Variants in NDRG1 observed in about 807,000 individuals in gnomAD.
NDRG1 encodes the protein protein NDRG1.
NDRG1 carries 32 observed loss-of-function variants against 56.9 expected under a neutral mutation model. That is an observed-to-expected ratio of 0.56 (90% CI 0.42 to 0.76). NDRG1 has a LOEUF of 0.76. Among genes scored for constraint, NDRG1 ranks in the 30% least tolerant of loss-of-function variants. The probability of loss-of-function intolerance (pLI) is 0.00; values close to 1 mark genes in which losing one functional copy is unlikely to be tolerated. For missense variants in NDRG1, 507 were observed against 545.7 expected, an observed-to-expected ratio of 0.93 and a Z score of 0.71; for synonymous variants, 211 against 204.1, an observed-to-expected ratio of 1.03 and a Z score of -0.29.
chr8:133,285,844 C>A (rs1042351302), intron 1 of NDRG1, among the ~76,000 whole-genome samples: 1 of 152,232 alleles, frequency 6.6e-6, no homozygotes, highest in Non-Finnish European at 1.5e-5. Flanking sequence ...AGGCAGGAGG[C>A]ATGAAAGGCC....
chr8:133,260,502 T>C (rs1261552495), intron 5 of NDRG1, among the ~76,000 whole-genome samples: 1 of 152,134 alleles, frequency 6.6e-6, no homozygotes, highest in Non-Finnish European at 1.5e-5. Context: ...GGAATAAAAA[T>C]TCCTGGGGGT....
rs1356327221 is a variant in NDRG1, at chr8:133,283,388, CTAAG to C, written c.63+857_63+860del. ...AGACATATCAGAGGCAGTTATGAGG[CTAAG>C]TGAGAATTGGGATGTAAACATGCTT... On this transcript the variant is annotated intron_variant, in intron 2 of 15. Coordinates refer to ENST00000323851, the MANE Select transcript of NDRG1 (RefSeq NM_006096.4). Among the ~76,000 whole-genome samples the C allele has an allele frequency of 2.6e-5, 4 of 152,222 alleles. No individual in the cohort carries two copies. The East Asian group carries it at 7.7e-4, about 29-fold the overall frequency.
At chr8:133,248,909 T>A in intron 10 of NDRG1, 138 bp from the exon 11 acceptor site, 1 of 904,290 alleles carries the variant, frequency 1.1e-6, no homozygotes, top group Non-Finnish European at 1.8e-6. Context: ...AGAGAGGCCC[T>A]GTGGCTTTCA....
intron 1 of NDRG1, among the ~76,000 whole-genome samples, chr8:133,287,945 G>GCA (rs61430539): frequency 0.11 from 17,023 of 149,082 alleles, 1,126 homozygotes; most frequent in African/African-American, 0.18. Flanking sequence ...GTGCACACAC[G>GCA]CACACACACA....
chr8:133,260,614 C>T (rs946413333), intron 5 of NDRG1, among the ~76,000 whole-genome samples: 10 of 152,196 alleles, frequency 6.6e-5, no homozygotes, highest in African/African-American at 2.2e-4. Context: ...CAAAGATTTA[C>T]GGACACACCT....
chr8:133,258,688 C>T (rs1254699158), intron 6 of NDRG1, among the ~76,000 whole-genome samples: 1 of 152,194 alleles, frequency 6.6e-6, no homozygotes, highest in South Asian at 2.1e-4. Context: ...CGGGAAGGCC[C>T]GTTACGGCAT....
At chr8:133,264,414 TCCCAGAACAG>T in intron 4 of NDRG1, 123 bp downstream of exon 4, 3 of 809,644 alleles carry the variant, frequency 3.7e-6, no homozygotes, top group Non-Finnish European at 6.3e-6. Flanking sequence ...CAAGAGTTCT[TCCCAGAACAG>T]CCCCAGGAAG....
chr8:133,275,845 G>A (rs902926004), intron 3 of NDRG1, among the ~76,000 whole-genome samples: 4 of 152,180 alleles, frequency 2.6e-5, no homozygotes, highest in East Asian at 1.9e-4. Flanking sequence ...GGACAGGATC[G>A]CCGTAAGCAC....
intron 15 of NDRG1, chr8:133,240,099 A>T (rs1208851792): frequency 6.6e-6 from 1 of 152,254 alleles, no homozygotes; most frequent in Non-Finnish European, 1.5e-5. Flanking sequence ...GTTCTTCCAC[A>T]GCAGCGTTGG....
chr8:133,269,026 C>A (rs184331632), intron 3 of NDRG1, among the ~76,000 whole-genome samples: 17 of 152,344 alleles, frequency 1.1e-4, no homozygotes, highest in African/African-American at 2.4e-4. Context: ...AAGGAATGTT[C>A]TGTCCTTCTG....
At chr8:133,266,733 T>G (rs1400766557) in intron 3 of NDRG1, among the ~76,000 whole-genome samples, 1 of 152,188 alleles carries the variant, frequency 6.6e-6, no homozygotes, top group East Asian at 1.9e-4. Flanking sequence ...GCACCTATTG[T>G]ATGCCAGGTC....
At chr8:133,276,449 C>T (rs915628652) in intron 3 of NDRG1, among the ~76,000 whole-genome samples, 40 of 152,254 alleles carry the variant, frequency 2.6e-4, no homozygotes, top group African/African-American at 9.6e-4. Context: ...GTGTCCCCAC[C>T]CAAATCTCAT....
intron 11 of NDRG1, among the ~76,000 whole-genome samples, chr8:133,248,377 A>G (rs2130691094): frequency 6.6e-6 from 1 of 152,298 alleles, no homozygotes; most frequent in South Asian, 2.1e-4. Flanking sequence ...GGAGCACTTT[A>G]AGGCTGGGTC....
At chr8:133,270,094 GGCC>G (rs1214846476) in intron 3 of NDRG1, among the ~76,000 whole-genome samples, 2 of 152,242 alleles carry the variant, frequency 1.3e-5, no homozygotes, top group East Asian at 1.9e-4. Flanking sequence ...TCCCCAGCCA[GGCC>G]GCCAATTCCC....
intron 15 of NDRG1, chr8:133,239,417 CT>C: frequency 1.7e-6 from 1 of 571,818 alleles, no homozygotes; most frequent in Non-Finnish European, 3.1e-6. Flanking sequence ...GAGTGTCCCC[CT>C]GAGCCTCCCT....
At chr8:133,291,089 A>G (rs536374671) in intron 1 of NDRG1, among the ~76,000 whole-genome samples, 2 of 152,306 alleles carry the variant, frequency 1.3e-5, no homozygotes, top group South Asian at 2.1e-4. Flanking sequence ...AGTCCCCTGG[A>G]GGCCTTCAGT....
intron 12 of NDRG1, among the ~76,000 whole-genome samples, chr8:133,247,495 T>C (rs981446610): frequency 2.0e-5 from 3 of 152,234 alleles, no homozygotes; most frequent in Admixed American, 6.5e-5. Flanking sequence ...AAGCCCTGCC[T>C]CCCAGTGCCT....
chr8:133,272,806 T>C (rs1312527912), intron 3 of NDRG1, among the ~76,000 whole-genome samples: 1 of 152,174 alleles, frequency 6.6e-6, no homozygotes, highest in Non-Finnish European at 1.5e-5. Flanking sequence ...AGGGCGAGAA[T>C]GGGAAATGGT....
intron 5 of NDRG1, among the ~76,000 whole-genome samples, chr8:133,260,293 C>T (rs1422520905): frequency 2.0e-5 from 3 of 152,156 alleles, no homozygotes; most frequent in Non-Finnish European, 2.9e-5. Context: ...TCTGCTGTCT[C>T]GGCTTCAGAA....
Sources: gnomAD v4.1 joint callset for allele counts (sites outside exome capture counted in the v4.1 genomes callset) on GRCh38, gnomAD v4.1.1 for gene constraint, MANE v1.5 for transcripts, NCBI Gene and HGNC (gene_info 2026-07-23, HGNC 2026-07-21) for gene names.